PDZD2: variants seen among roughly 807,000 people sequenced by gnomAD.
The protein encoded by PDZD2 is PDZ domain containing 2.
PDZD2 carries 90 observed loss-of-function variants against 220.7 expected under a neutral mutation model. The ratio of observed to expected loss-of-function variants is 0.41; its 90% CI spans 0.34 to 0.49. The LOEUF (loss-of-function observed/expected upper bound fraction) is 0.49, where lower values mean the gene tolerates loss of function less well. Among genes scored for constraint, PDZD2 ranks in the 20% least tolerant of loss-of-function variants. PDZD2 has a pLI of 0.28. For synonymous variants in PDZD2, 1,375 were observed against 1,450.5 expected (o/e 0.95, Z 1.18); for missense variants, 3,174 against 3,608.5 (o/e 0.88, Z 3.08).
Position 32,109,256 on chromosome 5 carries a change from T to TA in PDZD2, c.*1122dup, listed in dbSNP as rs1365054013. 6.6e-6 allele frequency: 1 copy of TA among 152,182 alleles called. No individual in the cohort carries two copies. The highest frequency in any genetic ancestry group is 2.4e-5 in the African/African-American group (1 of 41,442). The allele number at this position is 152,182 out of a possible 1,614,324, so 9.4% of individuals were successfully genotyped here. On this transcript the variant is annotated 3_prime_UTR_variant, in exon 25 of 25. Coordinates refer to ENST00000438447, the MANE Select transcript of PDZD2 (RefSeq NM_178140.4). ...TGTTTAAGAAATGTAACATTCTAAG[T>TA]ATTGGATCTCTTTTCTTGACCTAGT...
rs145594064 is a variant in PDZD2, at chr5:31,778,625, C to T, written c.-360-20264C>T. Among the ~76,000 whole-genome samples, 549 of 152,238 alleles carry T rather than the reference C, an allele frequency of 3.6e-3. 3 individuals carry two copies. Among genetic ancestry groups the T allele is most frequent in the African/African-American group, 0.012 (517 of 41,542 alleles). On this transcript the variant is annotated intron_variant, in intron 1 of 24. Coordinates refer to ENST00000438447, the MANE Select transcript of PDZD2 (RefSeq NM_178140.4). The stretch of plus-strand genomic sequence containing the variant: ...CACCAGCAGGAAGAAACTCCGAACA[C>T]GTCCGAACGTCAGAAGGAACAAATT...
intron 2 of PDZD2, among the ~76,000 whole-genome samples, chr5:31,881,374 A>T (rs78971138): frequency 0.016 from 1,589 of 100,028 alleles, 19 homozygotes; most frequent in Admixed American, 0.022. Context: ...GTGTGTATAT[A>T]TTTTTTTTTT....
At chr5:31,840,227 TCAAAA>T (rs58599257) in intron 2 of PDZD2, among the ~76,000 whole-genome samples, 290 of 145,838 alleles carry the variant, frequency 2.0e-3, no homozygotes, top group East Asian at 9.7e-3. Context: ...AGACCCTGTT[TCAAAA>T]CAAAACAAAA....
At chr5:31,722,329 C>T (rs889642001) in intron 1 of PDZD2, among the ~76,000 whole-genome samples, 4 of 152,134 alleles carry the variant, frequency 2.6e-5, no homozygotes, top group Admixed American at 6.6e-5. Context: ...TCAAGCACGC[C>T]CTTGGGTTCC....
At chr5:31,926,821 T>A (rs1744821768) in intron 2 of PDZD2, among the ~76,000 whole-genome samples, 1 of 151,490 alleles carries the variant, frequency 6.6e-6, no homozygotes, top group Non-Finnish European at 1.5e-5. Context: ...TGAACCTATG[T>A]GCCCATTAAT....
At chr5:31,942,019 G>A (rs1167088826) in intron 2 of PDZD2, among the ~76,000 whole-genome samples, 15 of 152,176 alleles carry the variant, frequency 9.9e-5, no homozygotes. Context: ...AAGCAGTCTT[G>A]AAGCCAGGAT....
In PDZD2 at chr5:31,787,964, G is replaced by A. The variant is rs1753475656; in HGVS notation, c.-360-10925G>A. Among the ~76,000 whole-genome samples, 4 of 152,142 alleles carry A rather than the reference G, an allele frequency of 2.6e-5. No homozygotes were observed. The South Asian group carries it at 8.3e-4, about 32-fold the overall frequency. ...TGTTCATCTTTTCTTTTCTAGCCTA[G>A]CGCAGTGCCTGGCAGAATCAACCCT... is the stretch of plus-strand genomic sequence containing the variant. On this transcript the variant is annotated intron_variant, in intron 1 of 24. Transcript: ENST00000438447.
At chr5:31,696,848 C>T (rs1280975043) in intron 1 of PDZD2, among the ~76,000 whole-genome samples, 1 of 152,146 alleles carries the variant, frequency 6.6e-6, no homozygotes, top group Non-Finnish European at 1.5e-5. Context: ...AATGAGCCTC[C>T]ATCCTATGTT....
chr5:31,810,482 G>A (rs567307056), intron 2 of PDZD2, among the ~76,000 whole-genome samples: 10 of 152,102 alleles, frequency 6.6e-5, no homozygotes, highest in Admixed American at 5.9e-4. Context: ...ACCCAGGATG[G>A]TCTGGATCTC....
chr5:31,790,467 T>A (rs1019365780), intron 1 of PDZD2, among the ~76,000 whole-genome samples: 6 of 152,136 alleles, frequency 3.9e-5, no homozygotes, highest in Non-Finnish European at 7.4e-5. Context: ...GGACACCTTT[T>A]CTGGGGGCTG....
intron 2 of PDZD2, among the ~76,000 whole-genome samples, chr5:31,912,077 A>T (rs983101452): frequency 6.6e-5 from 10 of 152,222 alleles, no homozygotes; most frequent in African/African-American, 2.4e-4. Context: ...TGGCTCTACT[A>T]CACAAAAGAC....
chr5:31,886,095 C>T (rs11956417), intron 2 of PDZD2, among the ~76,000 whole-genome samples: 7,204 of 152,104 alleles, frequency 0.047, 191 homozygotes, highest in South Asian at 0.059. Context: ...GACAGGGTTT[C>T]ACCATGTTGG....
chr5:31,920,690 G>C (rs1195117506), intron 2 of PDZD2, among the ~76,000 whole-genome samples: 1 of 151,880 alleles, frequency 6.6e-6, no homozygotes, highest in African/African-American at 2.4e-5. Flanking sequence ...TGTGTATAAT[G>C]ACACACCAAA....
chr5:31,769,833 T>A (rs1752237777), intron 1 of PDZD2, among the ~76,000 whole-genome samples: 1 of 152,210 alleles, frequency 6.6e-6, no homozygotes, highest in Non-Finnish European at 1.5e-5. Context: ...GTATTCTTGT[T>A]GATGAAAACT....
chr5:32,015,445 C>T (rs1284409641), intron 6 of PDZD2, among the ~76,000 whole-genome samples: 1 of 151,894 alleles, frequency 6.6e-6, no homozygotes, highest in Non-Finnish European at 1.5e-5. Context: ...AGGGATGGGG[C>T]GTCACTATGT....
intron 7 of PDZD2, among the ~76,000 whole-genome samples, chr5:32,040,784 C>A: frequency 6.9e-6 from 1 of 144,018 alleles, no homozygotes; most frequent in South Asian, 2.2e-4. Context: ...GCCCGGCCGC[C>A]ACCCCGTCTG....
intron 2 of PDZD2, among the ~76,000 whole-genome samples, chr5:31,950,672 CTG>C (rs777447296): frequency 5.8e-4 from 89 of 152,302 alleles, no homozygotes; most frequent in Non-Finnish European, 1.1e-3. Flanking sequence ...TTGTACCAGT[CTG>C]TAAATTGTGG....
chr5:31,938,621 AGACTTCCACAATCT>A (rs112659585), intron 2 of PDZD2, among the ~76,000 whole-genome samples: 6 of 81,184 alleles, frequency 7.4e-5, no homozygotes, highest in Admixed American at 2.3e-4. Flanking sequence ...AATGCTGGCT[AGACTTCCACAATCT>A]GAGAGCATTT....
intron 1 of PDZD2, among the ~76,000 whole-genome samples, chr5:31,643,683 T>G (rs1324628239): frequency 1.3e-5 from 2 of 152,182 alleles, no homozygotes; most frequent in South Asian, 2.1e-4. Flanking sequence ...CCCCTTGGTT[T>G]TATTAATGGG....
Sources: allele counts gnomAD v4.1 joint callset (sites outside exome capture counted in the v4.1 genomes callset), GRCh38; gene constraint gnomAD v4.1.1; transcripts MANE v1.5; gene names NCBI Gene and HGNC (gene_info 2026-07-23, HGNC 2026-07-21).